The following RHEB variants were observed in gnomAD, a reference collection of about 807,000 sequenced individuals.
RHEB encodes GTP-binding protein Rheb.
RHEB carries 2 observed loss-of-function variants against 28.8 expected under a neutral mutation model. That is an observed-to-expected ratio of 0.07 (90% CI 0.03 to 0.22). RHEB has a LOEUF of 0.22. Among genes scored for constraint, RHEB ranks in the 10% least tolerant of loss-of-function variants. RHEB has a pLI of 1.00. For missense variants in RHEB, 76 were observed against 219.9 expected, an observed-to-expected ratio of 0.35 and a Z score of 4.14; for synonymous variants, 69 against 77.3, an observed-to-expected ratio of 0.89 and a Z score of 0.56.
At chr7:151,483,238 A>G (rs1802409404) in intron 3 of RHEB, among the ~76,000 whole-genome samples, 1 of 152,196 alleles carries the variant, frequency 6.6e-6, no homozygotes, top group Admixed American at 6.5e-5. Flanking sequence ...CTAAGGCATC[A>G]CACTTTCCTT....
chr7:151,482,162 C>T (rs745509912), intron 3 of RHEB, among the ~76,000 whole-genome samples: 7 of 152,222 alleles, frequency 4.6e-5, no homozygotes, highest in Admixed American at 6.5e-5. Context: ...AGAGCACAGC[C>T]TCTTTAACCC....
intron 2 of RHEB, among the ~76,000 whole-genome samples, chr7:151,485,560 A>T (rs990902445): frequency 2.0e-5 from 3 of 152,214 alleles, no homozygotes; most frequent in Non-Finnish European, 4.4e-5. Context: ...CGCCCCAGCC[A>T]TCTTGACTCA....
chr7:151,514,826 C>T (rs1009827987), intron 1 of RHEB, among the ~76,000 whole-genome samples: 10 of 152,128 alleles, frequency 6.6e-5, no homozygotes, highest in Middle Eastern at 3.4e-3. Context: ...TGCTTGAGGT[C>T]AAGAGTTCAA....
Position 151,468,744 on chromosome 7 carries a change from C to T in RHEB, c.463-1533G>A, listed in dbSNP as rs554318328. Among the ~76,000 whole-genome samples, 3 of 152,302 alleles carry T rather than the reference C, an allele frequency of 2.0e-5. No homozygotes were observed. The highest frequency in any genetic ancestry group is 6.5e-5 in the Admixed American group (1 of 15,296). On this transcript the variant is annotated intron_variant, in intron 7 of 7. Transcript: ENST00000262187. The surrounding 1 kb of genome is among the most constrained non-coding windows in gnomAD (Gnocchi z 4.3). ...TTCTGTCCTGTTGGTATGAATGAGG[C>T]GTCTGTCCTCCTAGTTAACTGAAGC... is the stretch of plus-strand genomic sequence containing the variant.
intron 3 of RHEB, 84 bp downstream of exon 3, chr7:151,484,653 T>C: frequency 2.0e-6 from 2 of 1,010,904 alleles, no homozygotes; most frequent in Non-Finnish European, 3.1e-6. Context: ...TTTCTTGGCA[T>C]AGCTGGTACT....
intron 1 of RHEB, among the ~76,000 whole-genome samples, chr7:151,515,390 G>A (rs1803060766): frequency 6.6e-6 from 1 of 152,156 alleles, no homozygotes; most frequent in Non-Finnish European, 1.5e-5. Context: ...TTTTTGGGGT[G>A]ATGAAGTACA....
chr7:151,492,401 G>C (rs1010561027), intron 1 of RHEB, among the ~76,000 whole-genome samples: 1 of 152,090 alleles, frequency 6.6e-6, no homozygotes, highest in Non-Finnish European at 1.5e-5. Context: ...GATCACCTGA[G>C]GTCTGGAGTT....
intron 1 of RHEB, among the ~76,000 whole-genome samples, chr7:151,503,955 G>A (rs964963952): frequency 1.3e-5 from 2 of 152,180 alleles, no homozygotes; most frequent in Non-Finnish European, 2.9e-5. Context: ...ATAAGAAATA[G>A]ATGTGGTGAA....
chr7:151,511,424 T>A (rs1488586859), intron 1 of RHEB, among the ~76,000 whole-genome samples: 1 of 152,206 alleles, frequency 6.6e-6, no homozygotes, highest in Non-Finnish European at 1.5e-5. Context: ...CAAGCAAGCA[T>A]GACACTTCGG....
At chr7:151,477,059 A>G (rs1802283758) in intron 4 of RHEB, among the ~76,000 whole-genome samples, 1 of 152,178 alleles carries the variant, frequency 6.6e-6, no homozygotes, top group South Asian at 2.1e-4. Flanking sequence ...GGCATTTCCC[A>G]TTTCAATTAG....
At chr7:151,487,897 T>A (rs1200191647) in intron 2 of RHEB, among the ~76,000 whole-genome samples, 1 of 152,220 alleles carries the variant, frequency 6.6e-6, no homozygotes, top group Non-Finnish European at 1.5e-5. Context: ...CATAGAGGTT[T>A]CCAAAATTTG....
At chr7:151,478,100 T>C (rs1276896360) in intron 3 of RHEB, among the ~76,000 whole-genome samples, 3 of 152,238 alleles carry the variant, frequency 2.0e-5, no homozygotes, top group Non-Finnish European at 2.9e-5. Context: ...TTTAGTTTTA[T>C]AAAGCAGCGT....
In RHEB at chr7:151,515,854, T is replaced by C. The variant is rs79647386; in HGVS notation, c.52+3606A>G. 7.0e-4 allele frequency among the ~76,000 whole-genome samples: 106 copies of C among 152,346 alleles called. 1 individual carries two copies. The highest frequency in any genetic ancestry group is 2.0e-3 in the African/African-American group (84 of 41,574). Reference sequence around the variant, plus strand: ...TCTTCCAAACCACAAAGCTGTTTCATTTTCCCCCTATGATCTTTCACATGC... The same window carrying C: ...TCTTCCAAACCACAAAGCTGTTTCACTTTCCCCCTATGATCTTTCACATGC... On this transcript the variant is annotated intron_variant, in intron 1 of 7. Coordinates refer to ENST00000262187, the MANE Select transcript of RHEB (RefSeq NM_005614.4).
chr7:151,504,075 G>A (rs1317913506), intron 1 of RHEB, among the ~76,000 whole-genome samples: 1 of 152,184 alleles, frequency 6.6e-6, no homozygotes, highest in African/African-American at 2.4e-5. Context: ...CAGACTGGCA[G>A]TTTCAAGGAT....
At chr7:151,505,043 GA>G (rs138363700) in intron 1 of RHEB, among the ~76,000 whole-genome samples, 16 of 112,766 alleles carry the variant, frequency 1.4e-4, no homozygotes, top group East Asian at 5.6e-4. Context: ...TCTAGAATAT[GA>G]AAAAAAAAAC....
At chr7:151,477,540 C>T (rs1165498573) in intron 3 of RHEB, 125 bp from the exon 4 acceptor site, 2 of 597,236 alleles carry the variant, frequency 3.3e-6, no homozygotes, top group African/African-American at 3.8e-5. Context: ...CAATATTATG[C>T]CAGAAACAGC....
rs1802525186 is a variant in RHEB, at chr7:151,488,615, T to C, written c.124+2328A>G. ...GTTAGGTTATCAGAAGTGTGGTAAG[T>C]AGAATATAATGTCTGAACATGCCTC... On this transcript the variant is annotated intron_variant, in intron 2 of 7. Coordinates refer to ENST00000262187, the MANE Select transcript of RHEB (RefSeq NM_005614.4). 2.0e-5 allele frequency among the ~76,000 whole-genome samples: 3 copies of C among 152,212 alleles called. 1 individual carries two copies. Among genetic ancestry groups the C allele is most frequent in the South Asian group, 4.1e-4 (2 of 4,834 alleles).
intron 1 of RHEB, among the ~76,000 whole-genome samples, chr7:151,512,754 T>C (rs1803013292): frequency 6.6e-6 from 1 of 152,218 alleles, no homozygotes; most frequent in Non-Finnish European, 1.5e-5. Flanking sequence ...AACAAGATCC[T>C]AGCTTACAAC....
At chr7:151,507,097 A>G (rs1802896150) in intron 1 of RHEB, among the ~76,000 whole-genome samples, 1 of 152,214 alleles carries the variant, frequency 6.6e-6, no homozygotes, top group Admixed American at 6.5e-5. Flanking sequence ...AATAGAACAG[A>G]CACCAGTAAA....
Sources: allele counts gnomAD v4.1 joint callset (sites outside exome capture counted in the v4.1 genomes callset), GRCh38; gene constraint gnomAD v4.1.1; non-coding constraint Gnocchi (gnomAD v3.1); transcripts MANE v1.5; gene names NCBI Gene and HGNC (gene_info 2026-07-23, HGNC 2026-07-21).